Variants in LRRC4 observed in about 807,000 individuals in gnomAD.
LRRC4 encodes the protein leucine-rich repeat-containing protein 4.
In LRRC4, 11 loss-of-function variants were observed where a neutral mutation model predicts 37.9. The ratio of observed to expected loss-of-function variants is 0.29; its 90% CI spans 0.18 to 0.48. The LOEUF is 0.48. Ranked by LOEUF, LRRC4 falls within the 20% of genes least tolerant of loss-of-function variation. LRRC4 has a pLI of 0.99. For synonymous variants in LRRC4, 404 were observed against 346.7 expected (o/e 1.17, Z -1.84); for missense variants, 717 against 842.1 (o/e 0.85, Z 1.84).
At position 128,030,143 on chromosome 7, in the gene LRRC4, G is replaced by T. The variant is rs1156618008; in HGVS notation, c.498C>A (p.Ala166=). The change falls in exon 2 of 2, where the codon GCC becomes GCA. Residue 166 remains alanine, a synonymous_variant. Coordinates refer to ENST00000249363, the MANE Select transcript of LRRC4 (RefSeq NM_022143.5). ...NNPIESIPSY[A]FNRVPSLMRL... ...GCATGAGGGAGGGCACCCGGTTGAA[G>T]GCGTAAGAGGGGATGCTTTCGATGG... 2.5e-6 allele frequency: 4 copies of T among 1,614,106 alleles called. No homozygotes were observed. The highest frequency in any genetic ancestry group is 3.4e-6 in the Non-Finnish European group (4 of 1,180,062).
chr7:128,029,018 G>A lies in LRRC4; in HGVS notation c.1623C>T (p.Ala541=), dbSNP rs113169990. Reference sequence around the variant, plus strand: ...GTTTATAGAAGACAATCAACATGGCGGCAGCTAGCAGAGTCACTGCCACAA... The same window carrying A: ...GTTTATAGAAGACAATCAACATGGCAGCAGCTAGCAGAGTCACTGCCACAA... ...GCFVAVTLLA[A]AMLIVFYKLR... is the part of the protein sequence containing the mutation. Residue 541 remains alanine (A), a synonymous_variant, in exon 2 of 2, where the codon GCC becomes GCT. Transcript: ENST00000249363. This position sits in a 1 kb window ranked among gnomAD's most constrained non-coding sequence, Gnocchi z 4.2. The A allele has an allele frequency of 8.9e-5, 143 of 1,613,706 alleles. No homozygotes were observed. The highest frequency in any genetic ancestry group is 3.3e-5 in the South Asian group (3 of 91,026).
chr7:128,028,948 T>C lies in LRRC4; in HGVS notation c.1693A>G (p.Thr565Ala), dbSNP rs757004228. The change falls in exon 2 of 2, where the codon ACT (threonine) becomes GCT (alanine). Residue 565 changes from threonine to alanine, a missense_variant. Transcript: ENST00000249363. ...QQRSTVTAAR[T>A]VEIIQVDEDI... is the part of the protein sequence containing the mutation. ...TCGTCCACCTGGATTATCTCAACAG[T>C]CCGGGCGGCTGTGACTGTACTCCGC... is the stretch of plus-strand genomic sequence containing the variant. The C allele has an allele frequency of 8.7e-6, 14 of 1,608,176 alleles. No individual in the cohort carries two copies. In the Admixed American group the frequency reaches 1.5e-4, roughly 18 times the overall value.
chr7:128,028,645 T>C lies in LRRC4; in HGVS notation c.*34A>G, dbSNP rs769747093. 15 of 1,581,470 alleles carry C rather than the reference T, an allele frequency of 9.5e-6. No individual in the cohort carries two copies. The highest frequency in any genetic ancestry group is 2.7e-5 in the African/African-American group (2 of 73,732). On this transcript the variant is annotated 3_prime_UTR_variant, in exon 2 of 2. Transcript: ENST00000249363. ...AAAGTTGCTGTCTTTGTGTGCATTC[T>C]ATTGCATTTTATAAGTTTTTTGGGG... is the stretch of plus-strand genomic sequence containing the variant.
At position 128,030,138 on chromosome 7, in the gene LRRC4, T is replaced by G. The variant is rs886453156; in HGVS notation, c.503A>C (p.Asn168Thr). Residue 168 changes from asparagine (N) to threonine (T), a missense_variant, in exon 2 of 2, where the codon AAC becomes ACC. Transcript: ENST00000249363. ...PIESIPSYAFNRVPSLMRLDL... is the reference protein window; with the variant it reads ...PIESIPSYAFTRVPSLMRLDL... ...CAGGCGCATGAGGGAGGGCACCCGG[T>G]TGAAGGCGTAAGAGGGGATGCTTTC... 1 of 1,614,150 alleles carries G rather than the reference T, an allele frequency of 6.2e-7. No homozygotes were observed. The highest frequency in any genetic ancestry group is 2.2e-5 in the East Asian group (1 of 44,880).
rs1468111270 is a variant in LRRC4, at chr7:128,030,045, T to C, written c.596A>G (p.Lys199Arg). 2 of 1,613,270 alleles carry C rather than the reference T, an allele frequency of 1.2e-6. No homozygotes were observed. The highest frequency in any genetic ancestry group is 1.6e-4 in the Middle Eastern group (1 of 6,062). The change falls in exon 2 of 2, where the codon AAG becomes AGG. Residue 199 changes from lysine (K) to arginine (R), a missense_variant. Lys to Arg is a conservative substitution (Grantham distance 26, BLOSUM62 2). This residue lies in a region of LRRC4 where 138 missense variants were observed against 261.0 expected (regional missense o/e 0.53). Coordinates refer to ENST00000249363, the MANE Select transcript of LRRC4 (RefSeq NM_022143.5). ...GTTGCACATGCCCAAGTTCAGATAC[T>C]TGAGGTTGAACAGCCCCTCAAAAGC... ...EGAFEGLFNLKYLNLGMCNIK... is the reference protein window; with the variant it reads ...EGAFEGLFNLRYLNLGMCNIK...
Position 128,029,393 on chromosome 7 carries a change from AAGC to A in LRRC4, c.1245_1247del (p.Leu416del). ...TGCATGTGTACACCCCAGTGTCTGA[AAGC>A]AGCACGTGGGAAAAGTTCAAGGTGC... is the stretch of plus-strand genomic sequence containing the variant. On this transcript the variant is annotated inframe_deletion, in exon 2 of 2. Coordinates refer to ENST00000249363, the MANE Select transcript of LRRC4 (RefSeq NM_022143.5). This position sits in a 1 kb window ranked among gnomAD's most constrained non-coding sequence, Gnocchi z 4.2. 6.2e-7 allele frequency: 1 copy of A among 1,614,148 alleles called. No individual in the cohort carries two copies. Among genetic ancestry groups the A allele is most frequent in the Non-Finnish European group, 8.5e-7 (1 of 1,180,022 alleles).
At chr7:128,032,105 T>C (rs1792634394), upstream of LRRC4, 1 of 151,924 alleles carries the variant, frequency 6.6e-6, no homozygotes, top group Non-Finnish European at 1.5e-5. Flanking sequence ...AGAACGTGAA[T>C]GTACTGCTGA....
chr7:128,028,806 G>T lies in LRRC4; in HGVS notation c.1835C>A (p.Pro612Gln). 6.2e-7 allele frequency: 1 copy of T among 1,614,130 alleles called. No individual in the cohort carries two copies. Among genetic ancestry groups the T allele is most frequent in the Non-Finnish European group, 8.5e-7 (1 of 1,180,010 alleles). Residue 612 changes from proline to glutamine, a missense_variant, in exon 2 of 2, where the codon CCA becomes CAA. Physicochemically the swap from Pro to Gln is moderately conservative, Grantham distance 76. Around this residue, in one of 5 missense-constraint regions of LRRC4, gnomAD observed 140 missense variants for 137.2 expected, o/e 1.02. Coordinates refer to ENST00000249363, the MANE Select transcript of LRRC4 (RefSeq NM_022143.5). ...HDHINYNTYK[P>Q]AHGAHWTENS... is the part of the protein sequence containing the mutation. ...TTCTGTCCAGTGGGCCCCATGTGCT[G>T]GTTTGTAGGTGTTGTAGTTAATATG...
Position 128,030,922 on chromosome 7 carries a change from A to C in LRRC4, c.-110T>G, listed in dbSNP as rs952032293. 21 of 336,746 alleles carry C rather than the reference A, an allele frequency of 6.2e-5. No individual in the cohort carries two copies. In the East Asian group the frequency reaches 7.3e-4, roughly 12 times the overall value. 20.9% of individuals were successfully genotyped at this position (336,746 alleles called of 1,614,324 possible). Reference sequence around the variant, plus strand: ...GTTCGCCGTCACCTACCTCGGAAGGAAGGCAGGAAAGCACTGGCGTGGTGT... The same window carrying C: ...GTTCGCCGTCACCTACCTCGGAAGGCAGGCAGGAAAGCACTGGCGTGGTGT... On this transcript the variant is annotated 5_prime_UTR_variant, in exon 1 of 2. Coordinates refer to ENST00000249363, the MANE Select transcript of LRRC4 (RefSeq NM_022143.5).
Position 128,029,848 on chromosome 7 carries a change from G to A in LRRC4, c.793C>T (p.Leu265=), listed in dbSNP as rs1240565450. The A allele has an allele frequency of 6.2e-7, 1 of 1,613,530 alleles. No homozygotes were observed. The highest frequency in any genetic ancestry group is 8.5e-7 in the Non-Finnish European group (1 of 1,180,028). ...SLIERNAFDG[L]ASLVELNLAH... ...AAGTTGAGTTCCACAAGTGAAGCCA[G>A]CCCGTCAAAAGCATTCCGCTCAATC... Residue 265 remains leucine (L), a synonymous_variant, in exon 2 of 2, where the codon CTG becomes TTG. Coordinates refer to ENST00000249363, the MANE Select transcript of LRRC4 (RefSeq NM_022143.5). This position sits in a 1 kb window ranked among gnomAD's most constrained non-coding sequence, Gnocchi z 4.2.
At chr7:128,032,023 C>T (rs1269518247), upstream of LRRC4, 1 of 151,744 alleles carries the variant, frequency 6.6e-6, no homozygotes, top group African/African-American at 2.4e-5. Context: ...ACCGTCTCCT[C>T]CTCGCGCCGG....
rs1359751579 is a variant in LRRC4, at chr7:128,027,473, ACCCTTTTCGTCTCT to A, written c.*1192_*1205del. 6.6e-6 allele frequency: 1 copy of A among 152,296 alleles called. No homozygotes were observed. Among genetic ancestry groups the A allele is most frequent in the Non-Finnish European group, 1.5e-5 (1 of 67,978 alleles). The allele number at this position is 152,296 out of a possible 1,614,324, so 9.4% of individuals were successfully genotyped here. A position where few individuals can be genotyped will look rare whatever the true frequency, so the allele number is the denominator to read the frequency against. On this transcript the variant is annotated 3_prime_UTR_variant, in exon 2 of 2. Coordinates refer to ENST00000249363, the MANE Select transcript of LRRC4 (RefSeq NM_022143.5). Reference sequence around the variant, plus strand: ...GCTTCATTACTTTACGTGAGCCTGTACCCTTTTCGTCTCTCCCTTTTCTTTGCTACTCATGTTCT... The same window carrying A: ...GCTTCATTACTTTACGTGAGCCTGTACCCTTTTCTTTGCTACTCATGTTCT...
intron 1 of LRRC4, 60 bp downstream of exon 1, chr7:128,030,853 C>T (rs993388337): frequency 5.5e-6 from 3 of 546,418 alleles, no homozygotes; most frequent in African/African-American, 3.8e-5. Flanking sequence ...AAGGCAAGCC[C>T]TCCGAAAGCT....
Position 128,030,350 on chromosome 7 carries a change from G to A in LRRC4, c.291C>T (p.His97=), listed in dbSNP as rs1792544829. ...ACTGCAGGACCTCCAGGTGGTGGAG[G>A]TGGCGGAAGGTGTCGGCCTGGATCA... ...IQMIQADTFR[H]LHHLEVLQLG... Residue 97 remains histidine (H), a synonymous_variant, in exon 2 of 2, where the codon CAC becomes CAT. Transcript: ENST00000249363. 4 of 1,614,050 alleles carry A rather than the reference G, an allele frequency of 2.5e-6. No homozygotes were observed. The highest frequency in any genetic ancestry group is 2.5e-6 in the Non-Finnish European group (3 of 1,180,008).
rs1185680141 is a variant in LRRC4 at position 128,030,082 on chromosome 7, T to G, written c.559A>C (p.Ile187Leu). ...AGCCCCTCAAAAGCTCCCTCAGAGATATACTCCAGCTTCTTGAGCTCCCCC... is the reference window on the plus strand; with the variant it reads ...AGCCCCTCAAAAGCTCCCTCAGAGAGATACTCCAGCTTCTTGAGCTCCCCC... The part of the protein sequence containing the change: ...DLGELKKLEY[I>L]SEGAFEGLFN... The change falls in exon 2 of 2, where the codon ATC (isoleucine) becomes CTC (leucine). Residue 187 changes from isoleucine to leucine, a missense_variant. Physicochemically the swap from Ile to Leu is conservative, Grantham distance 5. Transcript: ENST00000249363. 1 of 1,613,502 alleles carries G rather than the reference T, an allele frequency of 6.2e-7. No homozygotes were observed. Among genetic ancestry groups the G allele is most frequent in the Non-Finnish European group, 8.5e-7 (1 of 1,180,026 alleles).
rs541965579 is a variant in LRRC4, at chr7:128,028,463, A to AT, written c.*215dup. 60 of 455,424 alleles carry AT rather than the reference A, an allele frequency of 1.3e-4. No individual in the cohort carries two copies. The East Asian group carries it at 2.2e-3, about 16-fold the overall frequency. 28.2% of individuals were successfully genotyped at this position (455,424 alleles called of 1,614,324 possible). On this transcript the variant is annotated 3_prime_UTR_variant, in exon 2 of 2. Transcript: ENST00000249363. Reference sequence around the variant, plus strand: ...GCTTGTACCCCACAACGTTCCCAAGATTCCCCCCCACCCCCTTTAAATAGA... The same window carrying AT: ...GCTTGTACCCCACAACGTTCCCAAGATTTCCCCCCCACCCCCTTTAAATAGA...
chr7:128,029,502 G>T lies in LRRC4; in HGVS notation c.1139C>A (p.Ser380Tyr), dbSNP rs373622270. 59 of 1,613,980 alleles carry T rather than the reference G, an allele frequency of 3.7e-5. No homozygotes were observed. Among genetic ancestry groups the T allele is most frequent in the Non-Finnish European group, 4.7e-5 (56 of 1,180,036 alleles). Residue 380 changes from serine to tyrosine, a missense_variant, in exon 2 of 2, where the codon TCC (serine) becomes TAC (tyrosine). Physicochemically the swap from Ser to Tyr is moderately radical, Grantham distance 144 (BLOSUM62 -2). Coordinates refer to ENST00000249363, the MANE Select transcript of LRRC4 (RefSeq NM_022143.5). The surrounding 1 kb of genome is among the most constrained non-coding windows in gnomAD (Gnocchi z 4.2). ...ATTGGGCAGCAACCACTTCACGGAG[G>T]ACATAGGGGGAGTCCGACACTTAAG... ...AELKCRTPPM[S>Y]SVKWLLPNGT...
chr7:128,029,690 C>G lies in LRRC4; in HGVS notation c.951G>C (p.Glu317Asp), dbSNP rs781082326. ...AGCAGGTGGAATTGGTGGGTATATACTCTCGAAGCCACCAGGCTAGCCACA... is the reference window on the plus strand; with the variant it reads ...AGCAGGTGGAATTGGTGGGTATATAGTCTCGAAGCCACCAGGCTAGCCACA... ...DILWLAWWLR[E>D]YIPTNSTCCG... Residue 317 changes from glutamate to aspartate, a missense_variant, in exon 2 of 2, where the codon GAG becomes GAC. Physicochemically the swap from Glu to Asp is conservative, Grantham distance 45 (BLOSUM62 2). Around this residue, in one of 5 missense-constraint regions of LRRC4, gnomAD observed 293 missense variants for 268.3 expected, o/e 1.09. Transcript: ENST00000249363. This position sits in a 1 kb window ranked among gnomAD's most constrained non-coding sequence, Gnocchi z 4.2. 1.2e-6 allele frequency: 2 copies of G among 1,613,936 alleles called. No homozygotes were observed. Among genetic ancestry groups the G allele is most frequent in the South Asian group, 2.2e-5 (2 of 91,080 alleles).
chr7:128,030,452 G>C lies in LRRC4; in HGVS notation c.189C>G (p.Arg63=). 3 of 1,613,722 alleles carry C rather than the reference G, an allele frequency of 1.9e-6. No homozygotes were observed. Among genetic ancestry groups the C allele is most frequent in the Non-Finnish European group, 2.5e-6 (3 of 1,180,026 alleles). The part of the protein sequence containing the change: ...SNQFSKVVCT[R]RGLSEVPQGI... ...CCTGCGGGACCTCGGAGAGGCCCCG[G>C]CGCGTGCACACCACCTTGCTGAACT... Residue 63 remains arginine (R), a synonymous_variant, in exon 2 of 2, where the codon CGC becomes CGG. Coordinates refer to ENST00000249363, the MANE Select transcript of LRRC4 (RefSeq NM_022143.5).
Sources: gnomAD v4.1 joint callset for allele counts on GRCh38, gnomAD v4.1.1 for gene constraint, gnomAD v4.1.1 regional missense constraint, Gnocchi (gnomAD v3.1) non-coding constraint, MANE v1.5 for transcripts, NCBI Gene and HGNC (gene_info 2026-07-23, HGNC 2026-07-21) for gene names.